CTNNA2: variants seen among roughly 807,000 people sequenced by gnomAD.
The protein encoded by CTNNA2 is catenin alpha-2.
Under a neutral mutation model 101.0 loss-of-function variants are expected in CTNNA2, and 42 were observed. The observed-to-expected ratio is 0.42, with a 90% CI of 0.32 to 0.54. The LOEUF is 0.54. CTNNA2 is among the 20% of genes least tolerant of loss of function. CTNNA2 has a pLI of 0.14. For synonymous variants in CTNNA2, 450 were observed against 456.4 expected, an observed-to-expected ratio of 0.99 and a Z score of 0.18; for missense variants, 871 against 1,223.1, an observed-to-expected ratio of 0.71 and a Z score of 4.29.
At chr2:80,032,215 A>G (rs1695336649) in intron 7 of CTNNA2, among the ~76,000 whole-genome samples, 1 of 152,100 alleles carries the variant, frequency 6.6e-6, no homozygotes, top group Non-Finnish European at 1.5e-5. Context: ...CAGGTGTCAG[A>G]GAGCATCAGC....
intron 7 of CTNNA2, among the ~76,000 whole-genome samples, chr2:80,207,983 G>A (rs1268719287): frequency 6.6e-6 from 1 of 152,152 alleles, no homozygotes; most frequent in Non-Finnish European, 1.5e-5. Flanking sequence ...ACACATGCAG[G>A]GAGATCAGAT....
intron 3 of CTNNA2, among the ~76,000 whole-genome samples, chr2:79,314,105 T>C (rs1676443230): frequency 6.6e-6 from 1 of 152,180 alleles, no homozygotes; most frequent in Admixed American, 6.5e-5. Context: ...TCTAGAGGTC[T>C]TTCCTTCTGC....
intron 7 of CTNNA2, among the ~76,000 whole-genome samples, chr2:80,037,430 T>C (rs927043796): frequency 2.6e-5 from 4 of 152,210 alleles, no homozygotes; most frequent in African/African-American, 9.7e-5. Flanking sequence ...ATCATCGTAA[T>C]AGTTTGATAA....
chr2:79,204,356 G>A (rs1413221308), intron 2 of CTNNA2, among the ~76,000 whole-genome samples: 1 of 152,142 alleles, frequency 6.6e-6, no homozygotes, highest in African/African-American at 2.4e-5. Context: ...CCTCTTTGCA[G>A]ATATTTATTT....
intron 7 of CTNNA2, among the ~76,000 whole-genome samples, chr2:80,365,296 A>C: frequency 6.6e-6 from 1 of 152,174 alleles, no homozygotes; most frequent in East Asian, 1.9e-4. Context: ...TCTTCCCATC[A>C]AAGAATGAGT....
At chr2:79,742,637 G>A (rs538868864) in intron 2 of CTNNA2, among the ~76,000 whole-genome samples, 1 of 152,170 alleles carries the variant, frequency 6.6e-6, no homozygotes, top group African/African-American at 2.4e-5. Context: ...GTGACAAGCT[G>A]TCTTTCTTTT....
intron 1 of CTNNA2, among the ~76,000 whole-genome samples, chr2:79,532,672 G>C (rs928586887): frequency 6.6e-6 from 1 of 151,868 alleles, no homozygotes. Context: ...GCTTAATTCT[G>C]TACTGTCCTC....
chr2:80,383,405 T>C (rs911874136), intron 7 of CTNNA2, among the ~76,000 whole-genome samples: 12 of 152,184 alleles, frequency 7.9e-5, no homozygotes, highest in Non-Finnish European at 1.6e-4. Flanking sequence ...AAGAGTTTCA[T>C]CCTGAGTTCT....
At chr2:79,840,511 A>G (rs1280252735) in intron 3 of CTNNA2, among the ~76,000 whole-genome samples, 3 of 152,232 alleles carry the variant, frequency 2.0e-5, no homozygotes, top group African/African-American at 7.2e-5. Flanking sequence ...TGAACTTTAC[A>G]TGCATTTCCA....
At chr2:80,230,544 A>G (rs920548616) in intron 7 of CTNNA2, among the ~76,000 whole-genome samples, 1 of 152,146 alleles carries the variant, frequency 6.6e-6, no homozygotes, top group African/African-American at 2.4e-5. Context: ...CTCATCAAAC[A>G]AATGAGAACC....
chr2:80,533,467 C>T (rs764511034), intron 9 of CTNNA2, among the ~76,000 whole-genome samples: 6 of 152,266 alleles, frequency 3.9e-5, no homozygotes, highest in Non-Finnish European at 8.8e-5. Flanking sequence ...TGGATATGGC[C>T]TTGACTCCAC....
intron 1 of CTNNA2, among the ~76,000 whole-genome samples, chr2:79,600,301 C>T (rs1028022225): frequency 2.0e-5 from 3 of 152,012 alleles, no homozygotes; most frequent in African/African-American, 4.8e-5. Context: ...TCAGCCTTCC[C>T]AGTAGCTGGG....
chr2:80,030,248 A>G (rs959301057), intron 7 of CTNNA2, among the ~76,000 whole-genome samples: 4 of 150,780 alleles, frequency 2.7e-5, no homozygotes, highest in Non-Finnish European at 4.4e-5. Context: ...AAAAAAAAAG[A>G]TGTTAAAAGA....
At chr2:79,963,444 C>T (rs1558680303) in intron 7 of CTNNA2, among the ~76,000 whole-genome samples, 1 of 152,154 alleles carries the variant, frequency 6.6e-6, no homozygotes, top group African/African-American at 2.4e-5. Flanking sequence ...CATTTCATGC[C>T]AGCCATCACT....
At chr2:80,515,145 G>A (rs1689010929) in intron 9 of CTNNA2, among the ~76,000 whole-genome samples, 1 of 151,114 alleles carries the variant, frequency 6.6e-6, no homozygotes, top group Non-Finnish European at 1.5e-5. Flanking sequence ...TAGGTGAATT[G>A]CCCATCTTTT....
chr2:79,749,508 A>T (rs1252915347), intron 3 of CTNNA2, among the ~76,000 whole-genome samples: 1 of 152,148 alleles, frequency 6.6e-6, no homozygotes, highest in African/African-American at 2.4e-5. Context: ...TGATATATGC[A>T]TATTATCTTC....
At chr2:79,366,008 A>G (rs1241045288) in intron 3 of CTNNA2, among the ~76,000 whole-genome samples, 1 of 152,244 alleles carries the variant, frequency 6.6e-6, no homozygotes, top group Non-Finnish European at 1.5e-5. Context: ...ATGAGGCGGA[A>G]GAGAAAATCT....
rs566930958 is a variant in CTNNA2, at chr2:80,249,691, A to C, written c.1057-143520A>C. 2.0e-5 allele frequency among the ~76,000 whole-genome samples: 3 copies of C among 152,286 alleles called. No individual in the cohort carries two copies. The South Asian group carries it at 6.2e-4, about 32-fold the overall frequency. On this transcript the variant is annotated intron_variant, in intron 7 of 18. Transcript: ENST00000402739. The stretch of plus-strand genomic sequence containing the variant: ...CCTGTTCTGCGGGATTCTAAGATAC[A>C]TATTTAAAACTATTACATTCAGCTG...
chr2:79,287,055 T>G (rs1464898594), intron 2 of CTNNA2, among the ~76,000 whole-genome samples: 1 of 152,226 alleles, frequency 6.6e-6, no homozygotes, highest in Non-Finnish European at 1.5e-5. Flanking sequence ...CATCAGCTCC[T>G]GAGACTTCTG....
Sources: allele counts gnomAD v4.1 joint callset (sites outside exome capture counted in the v4.1 genomes callset), GRCh38; gene constraint gnomAD v4.1.1; transcripts MANE v1.5; gene names NCBI Gene and HGNC (gene_info 2026-07-23, HGNC 2026-07-21).